CD8B: variants seen among roughly 807,000 people sequenced by gnomAD.
CD8B encodes the protein T-cell surface glycoprotein CD8 beta chain.
In CD8B, 6 loss-of-function variants were observed where a neutral mutation model predicts 24.2. The observed-to-expected ratio is 0.25, with a 90% CI of 0.14 to 0.49. CD8B has a LOEUF of 0.49. CD8B is among the 20% of genes least tolerant of loss of function. CD8B has a pLI of 0.98. For missense variants in CD8B, 196 were observed against 271.3 expected (o/e 0.72, Z 1.95); for synonymous variants, 84 against 108.3 (o/e 0.78, Z 1.39).
At chr2:86,829,350 C>G (rs1231585480) in intron 5 of CD8B, among the ~76,000 whole-genome samples, 1 of 152,096 alleles carries the variant, frequency 6.6e-6, no homozygotes, top group Non-Finnish European at 1.5e-5. Context: ...CGTGATCTGC[C>G]TGTCTCAGCC....
intron 3 of CD8B, among the ~76,000 whole-genome samples, chr2:86,850,726 G>A (rs1437109504): frequency 6.6e-6 from 1 of 152,084 alleles, no homozygotes; most frequent in African/African-American, 2.4e-5. Flanking sequence ...ACACATCCGG[G>A]TTATTCTTAA....
intron 5 of CD8B, among the ~76,000 whole-genome samples, chr2:86,828,517 T>C (rs1573494127): frequency 1.3e-5 from 2 of 152,194 alleles, no homozygotes; most frequent in South Asian, 4.1e-4. Context: ...CTTCTGAAGT[T>C]AAGGGGCCCT....
intron 5 of CD8B, chr2:86,833,000 C>A: frequency 5.8e-6 from 2 of 345,816 alleles, no homozygotes; most frequent in Admixed American, 3.1e-5. Flanking sequence ...CTCTCCTCTC[C>A]TCTTCTCTCT....
At chr2:86,847,576 C>T (rs894761160) in intron 3 of CD8B, among the ~76,000 whole-genome samples, 1 of 152,098 alleles carries the variant, frequency 6.6e-6, no homozygotes, top group African/African-American at 2.4e-5. Context: ...CACAGAGTCT[C>T]GCTCTGTCAC....
chr2:86,827,616 T>G (rs1401537417), intron 5 of CD8B, among the ~76,000 whole-genome samples: 1 of 133,008 alleles, frequency 7.5e-6, no homozygotes, highest in Non-Finnish European at 1.6e-5. Context: ...AGCAAGACCC[T>G]ATCTCAAAAA....
chr2:86,821,993 C>T (rs1573486877), intron 5 of CD8B, among the ~76,000 whole-genome samples: 1 of 152,196 alleles, frequency 6.6e-6, no homozygotes, highest in African/African-American at 2.4e-5. Flanking sequence ...CCTGTGGCTT[C>T]TCCTTTTGCA....
At chr2:86,847,873 C>T (rs1462002391) in intron 3 of CD8B, among the ~76,000 whole-genome samples, 1 of 152,170 alleles carries the variant, frequency 6.6e-6, no homozygotes, top group Non-Finnish European at 1.5e-5. Context: ...GCCTTAAATA[C>T]ATATAGTTTT....
chr2:86,852,964 G>T (rs1676048763), intron 3 of CD8B, 33 bp downstream of exon 3: 1 of 1,436,220 alleles, frequency 7.0e-7, no homozygotes, highest in African/African-American at 1.4e-5. Context: ...TGTCTGCCTT[G>T]TTTCTGAGGG....
downstream of CD8B, among the ~76,000 whole-genome samples, chr2:86,835,189 C>A (rs1443579480): frequency 6.6e-6 from 1 of 152,154 alleles, no homozygotes; most frequent in Non-Finnish European, 1.5e-5. Flanking sequence ...TTTCTTCTCT[C>A]CTCCTTCATC....
rs1675455839 is a variant in CD8B at position 86,842,039 on chromosome 2, G to A, written c.*268C>T. Reference sequence around the variant, plus strand: ...CACAGGAGCCGGAAGCGGTGGCATGGGCAGCATTTCTTACTCAGTCCTCCA... The same window carrying A: ...CACAGGAGCCGGAAGCGGTGGCATGAGCAGCATTTCTTACTCAGTCCTCCA... On this transcript the variant is annotated 3_prime_UTR_variant, in exon 6 of 6. Transcript: ENST00000390655. 8.2e-7 allele frequency: 1 copy of A among 1,221,786 alleles called. No homozygotes were observed. Among genetic ancestry groups the A allele is most frequent in the South Asian group, 3.3e-5 (1 of 30,716 alleles). The allele number at this position is 1,221,786 out of a possible 1,614,324, so 75.7% of individuals were successfully genotyped here. A position where few individuals can be genotyped will look rare whatever the true frequency, so the allele number is the denominator to read the frequency against.
At chr2:86,845,975 T>G (rs1450616829) in intron 4 of CD8B, among the ~76,000 whole-genome samples, 1 of 152,180 alleles carries the variant, frequency 6.6e-6, no homozygotes, top group African/African-American at 2.4e-5. Flanking sequence ...CCTGCCCATT[T>G]CATAGATGCG....
In CD8B at chr2:86,855,775, C is replaced by T. The variant is rs527882975; in HGVS notation, c.403+2282G>A. Among the ~76,000 whole-genome samples, 23 of 152,242 alleles carry T rather than the reference C, an allele frequency of 1.5e-4. No homozygotes were observed. In the East Asian group the frequency reaches 3.9e-3, roughly 26 times the overall value. ...TATTTTCTACCCGAGGAAGCAGGGACGTCTTTCAGATGGTCAGTGGTGAGC... is the reference window on the plus strand; with the variant it reads ...TATTTTCTACCCGAGGAAGCAGGGATGTCTTTCAGATGGTCAGTGGTGAGC... On this transcript the variant is annotated intron_variant, in intron 2 of 5. Transcript: ENST00000390655.
intron 3 of CD8B, 93 bp downstream of exon 3, chr2:86,852,904 T>A (rs1390859940): frequency 7.0e-7 from 1 of 1,435,678 alleles, no homozygotes; most frequent in Non-Finnish European, 9.4e-7. Context: ...GAGTTGACAC[T>A]TGGAAAGTGC....
chr2:86,850,723 C>T (rs140287994), intron 3 of CD8B, among the ~76,000 whole-genome samples: 1,724 of 152,254 alleles, frequency 0.011, 42 homozygotes, highest in East Asian at 0.11. Flanking sequence ...CACACACATC[C>T]GGGTTATTCT....
In CD8B at chr2:86,838,868, A is replaced by G. The variant is rs556722455; in HGVS notation, c.*3439T>C. 9.8e-5 allele frequency among the ~76,000 whole-genome samples: 15 copies of G among 152,324 alleles called. No homozygotes were observed. In the East Asian group the frequency reaches 2.3e-3, roughly 23 times the overall value. On this transcript the variant is annotated 3_prime_UTR_variant, in exon 6 of 6. Coordinates refer to ENST00000390655, the MANE Select transcript of CD8B (RefSeq NM_004931.5). ...ACAATGTTCTGTACTTGGATTTTAA[A>G]AAGTCTCTTTCTTGAAGTATAATTT...
At chr2:86,836,669 T>A (rs1234920209), downstream of CD8B, among the ~76,000 whole-genome samples, 3 of 151,902 alleles carry the variant, frequency 2.0e-5, no homozygotes, top group African/African-American at 7.3e-5. Context: ...GCACCTGTAG[T>A]CCCAGCTACT....
intron 5 of CD8B, among the ~76,000 whole-genome samples, chr2:86,820,688 A>G (rs924091759): frequency 1.3e-5 from 2 of 152,208 alleles, no homozygotes; most frequent in African/African-American, 4.8e-5. Flanking sequence ...TGAACCTGAG[A>G]TATCTCTGAG....
At chr2:86,836,144 G>A (rs545600966), downstream of CD8B, among the ~76,000 whole-genome samples, 2 of 152,140 alleles carry the variant, frequency 1.3e-5, no homozygotes, top group Non-Finnish European at 2.9e-5. Context: ...GGGGGAGCCA[G>A]CAGGGGAGGT....
chr2:86,857,969 G>T, intron 2 of CD8B, 88 bp downstream of exon 2: 2 of 1,349,028 alleles, frequency 1.5e-6, no homozygotes, highest in African/African-American at 1.4e-5. Context: ...CTGCAGAGTG[G>T]GGCACACTGA....
Sources: gnomAD v4.1 joint callset for allele counts (sites outside exome capture counted in the v4.1 genomes callset) on GRCh38, gnomAD v4.1.1 for gene constraint, MANE v1.5 for transcripts, NCBI Gene and HGNC (gene_info 2026-07-23, HGNC 2026-07-21) for gene names.